Variants in SDK1 observed in about 807,000 individuals in gnomAD.
SDK1 encodes the protein protein sidekick-1.
SDK1 carries 157 observed loss-of-function variants against 245.5 expected under a neutral mutation model. The observed-to-expected ratio is 0.64, with a 90% CI of 0.56 to 0.73. The LOEUF is 0.73. Ranked by LOEUF, SDK1 falls within the 30% of genes least tolerant of loss-of-function variation. The pLI is 0.00. For missense variants in SDK1, 3,583 were observed against 3,002.3 expected, an observed-to-expected ratio of 1.19 and a Z score of -4.52; for synonymous variants, 1,647 against 1,278.5, an observed-to-expected ratio of 1.29 and a Z score of -6.15.
chr7:4,195,396 G>T (rs1024736330), intron 35 of SDK1, among the ~76,000 whole-genome samples: 1 of 152,076 alleles, frequency 6.6e-6, no homozygotes, highest in Non-Finnish European at 1.5e-5. Context: ...CTGCAGCTCC[G>T]CTTCTCTCTG....
In SDK1 at chr7:3,340,255, A is replaced by C. The variant is rs1368382805; in HGVS notation, c.298+38371A>C. Among the ~76,000 whole-genome samples, 2 of 152,124 alleles carry C rather than the reference A, an allele frequency of 1.3e-5. 1 individual carries two copies. The highest frequency in any genetic ancestry group is 4.8e-5 in the African/African-American group (2 of 41,436). On this transcript the variant is annotated intron_variant, in intron 1 of 44. Coordinates refer to ENST00000404826, the MANE Select transcript of SDK1 (RefSeq NM_152744.4). ...ACTGCAATAAACCAAATATGGCAAT[A>C]AAAGGAGTCACAGAAAGTGGTTTCC...
Position 4,158,509 on chromosome 7 carries a change from G to A in SDK1, c.4687G>A (p.Asp1563Asn). ...LKATNDIGDS[D>N]FSSETEAVTT... ...AGCCACCAACGACATTGGGGACAGT[G>A]ACTTCAGTTCAGAGACAGAGGCGGT... is the stretch of plus-strand genomic sequence containing the variant. The change falls in exon 31 of 45, where the codon GAC (aspartate) becomes AAC (asparagine). Residue 1563 changes from aspartate (D) to asparagine (N), a missense_variant. Coordinates refer to ENST00000404826, the MANE Select transcript of SDK1 (RefSeq NM_152744.4). The A allele has an allele frequency of 6.2e-7, 1 of 1,613,868 alleles. No homozygotes were observed.
At chr7:3,998,761 C>T (rs774412209) in intron 14 of SDK1, among the ~76,000 whole-genome samples, 2 of 152,344 alleles carry the variant, frequency 1.3e-5, no homozygotes, top group South Asian at 4.1e-4. Context: ...GGAGGAACAA[C>T]ACCTCCGTAT....
intron 5 of SDK1, among the ~76,000 whole-genome samples, chr7:3,903,175 ACTCCGTC>A (rs1781848467): frequency 6.8e-6 from 1 of 146,560 alleles, no homozygotes; most frequent in Non-Finnish European, 1.5e-5. Flanking sequence ...GACAGACGAG[ACTCCGTC>A]GCTCAGGCTA....
At chr7:3,327,668 C>T (rs1232584279) in intron 1 of SDK1, among the ~76,000 whole-genome samples, 1 of 152,018 alleles carries the variant, frequency 6.6e-6, no homozygotes, top group Non-Finnish European at 1.5e-5. Context: ...AAAAAAAATC[C>T]TGACAGCAGA....
chr7:3,353,662 C>T (rs755239906), intron 1 of SDK1, among the ~76,000 whole-genome samples: 5 of 152,194 alleles, frequency 3.3e-5, no homozygotes, highest in Non-Finnish European at 5.9e-5. Flanking sequence ...AGACCTATTA[C>T]AAGGGATGAT....
rs537219257 is a variant in SDK1, at chr7:3,581,604, TA to T, written c.299-37471del. Among the ~76,000 whole-genome samples, 817 of 152,228 alleles carry T rather than the reference TA, an allele frequency of 5.4e-3. 7 individuals are homozygous for T. The highest frequency in any genetic ancestry group is 0.018 in the South Asian group (87 of 4,818). Reference sequence around the variant, plus strand: ...GCAGTGTGGTGATTCCTCAAAGAGCTAAAAACAGAACTACCATTCAACCCAG... The same window carrying T: ...GCAGTGTGGTGATTCCTCAAAGAGCTAAAACAGAACTACCATTCAACCCAG... On this transcript the variant is annotated intron_variant, in intron 1 of 44. Transcript: ENST00000404826.
intron 5 of SDK1, among the ~76,000 whole-genome samples, chr7:3,848,660 T>C (rs532562451): frequency 6.6e-5 from 10 of 152,058 alleles, no homozygotes; most frequent in African/African-American, 2.4e-4. Context: ...GCAATGACTA[T>C]AGAGTTGTCT....
At chr7:3,887,722 T>A (rs1781369244) in intron 5 of SDK1, among the ~76,000 whole-genome samples, 2 of 152,220 alleles carry the variant, frequency 1.3e-5, no homozygotes, top group African/African-American at 4.8e-5. Context: ...ATCATCTTTT[T>A]CTTTTCTACC....
Position 3,417,346 on chromosome 7 carries a change from T to G in SDK1, c.298+115462T>G, listed in dbSNP as rs371496022. On this transcript the variant is annotated intron_variant, in intron 1 of 44. Transcript: ENST00000404826. ...CCAGCCAGTTCCCCGACTCTTCGTC[T>G]TCTTTCTGCTGCATGTGGTCTGACC... Among the ~76,000 whole-genome samples the G allele has an allele frequency of 7.9e-5, 12 of 152,320 alleles. No homozygotes were observed. In the East Asian group the frequency reaches 9.6e-4, roughly 12 times the overall value.
intron 1 of SDK1, among the ~76,000 whole-genome samples, chr7:3,390,930 C>T (rs1198187307): frequency 6.6e-6 from 1 of 152,114 alleles, no homozygotes; most frequent in Admixed American, 6.6e-5. Flanking sequence ...AAATAGTGGA[C>T]TCTAACAAAT....
intron 4 of SDK1, among the ~76,000 whole-genome samples, chr7:3,656,160 G>T (rs1783177697): frequency 3.3e-5 from 5 of 152,090 alleles, no homozygotes; most frequent in Admixed American, 3.3e-4. Context: ...TCAGCCCTTG[G>T]TTGGTGATAC....
intron 2 of SDK1, among the ~76,000 whole-genome samples, chr7:3,636,715 C>T (rs1782466359): frequency 6.6e-6 from 1 of 152,174 alleles, no homozygotes; most frequent in African/African-American, 2.4e-5. Flanking sequence ...GAAATATACT[C>T]AGAAGTGGGA....
intron 5 of SDK1, among the ~76,000 whole-genome samples, chr7:3,859,306 G>T (rs181484704): frequency 6.6e-6 from 1 of 152,284 alleles, no homozygotes; most frequent in East Asian, 1.9e-4. Context: ...CTCCTGGGGG[G>T]CCTTTGCTCA....
chr7:3,321,393 C>G (rs986812283), intron 1 of SDK1, among the ~76,000 whole-genome samples: 1 of 152,118 alleles, frequency 6.6e-6, no homozygotes, highest in Non-Finnish European at 1.5e-5. Flanking sequence ...GAACTTTGTC[C>G]TGTTGTACTA....
At chr7:3,698,166 G>A (rs4723041) in intron 4 of SDK1, among the ~76,000 whole-genome samples, 152,208 of 152,306 alleles carry the variant, frequency 1, 76,055 homozygotes, top group Non-Finnish European at 1. Flanking sequence ...GAAAACTTTT[G>A]GACAATAACC....
rs561080214 is a variant in SDK1, at chr7:3,820,021, C to G, written c.714-1429C>G. 5.9e-5 allele frequency among the ~76,000 whole-genome samples: 9 copies of G among 152,304 alleles called. No homozygotes were observed. The South Asian group carries it at 1.9e-3, about 32-fold the overall frequency. On this transcript the variant is annotated intron_variant, in intron 4 of 44. Coordinates refer to ENST00000404826, the MANE Select transcript of SDK1 (RefSeq NM_152744.4). ...ATTGTGGTGGGTAACACAACTCACTCTAGAGACCTAAGATGTTTCTCTTGT... is the reference window on the plus strand; with the variant it reads ...ATTGTGGTGGGTAACACAACTCACTGTAGAGACCTAAGATGTTTCTCTTGT...
At chr7:3,803,158 G>A (rs6973944) in intron 4 of SDK1, among the ~76,000 whole-genome samples, 44,547 of 151,994 alleles carry the variant, frequency 0.29, 8,599 homozygotes, top group African/African-American at 0.55. Context: ...GTGTGGAAGG[G>A]TAGGTCATCA....
intron 36 of SDK1, among the ~76,000 whole-genome samples, chr7:4,207,514 C>T (rs1256212727): frequency 6.6e-6 from 1 of 152,212 alleles, no homozygotes; most frequent in Non-Finnish European, 1.5e-5. Flanking sequence ...CAGCCCTGAG[C>T]CCAACATAGT....
Sources: allele counts gnomAD v4.1 joint callset (sites outside exome capture counted in the v4.1 genomes callset), GRCh38; gene constraint gnomAD v4.1.1; transcripts MANE v1.5; gene names NCBI Gene and HGNC (gene_info 2026-07-23, HGNC 2026-07-21).